SLC15A1: variants seen among roughly 807,000 people sequenced by gnomAD.
SLC15A1 encodes solute carrier family 15 member 1, also known as Caco-2 oligopeptide transporter.
A neutral mutation model predicts 92.9 loss-of-function variants in SLC15A1; 83 were observed. The observed-to-expected ratio is 0.89, with a 90% CI of 0.75 to 1.07. The LOEUF is 1.07. Ranked by LOEUF, SLC15A1 falls within the 50% of genes least tolerant of loss-of-function variation. The pLI is 0.00. For synonymous variants in SLC15A1, 322 were observed against 318.2 expected, an observed-to-expected ratio of 1.01 and a Z score of -0.13; for missense variants, 857 against 880.1, an observed-to-expected ratio of 0.97 and a Z score of 0.33.
chr13:98,715,555 A>G (rs1193073363), intron 9 of SLC15A1, among the ~76,000 whole-genome samples: 1 of 152,144 alleles, frequency 6.6e-6, no homozygotes, highest in East Asian at 1.9e-4. Flanking sequence ...CACATTGCCA[A>G]ATTGAGCCTC....
At chr13:98,706,680 C>G (rs1409682903) in intron 15 of SLC15A1, among the ~76,000 whole-genome samples, 1 of 152,168 alleles carries the variant, frequency 6.6e-6, no homozygotes, top group Non-Finnish European at 1.5e-5. Flanking sequence ...CAAGATGTGC[C>G]TTTCACCTTC....
intron 13 of SLC15A1, 36 bp from the exon 14 acceptor site, chr13:98,709,696 C>G: frequency 1.2e-6 from 2 of 1,614,150 alleles, no homozygotes; most frequent in African/African-American, 2.7e-5. Flanking sequence ...TTAAGCTTGT[C>G]TCAAAGACGA....
At chr13:98,687,365 G>A (rs1255483925) in intron 21 of SLC15A1, among the ~76,000 whole-genome samples, 2 of 152,166 alleles carry the variant, frequency 1.3e-5, no homozygotes, top group Non-Finnish European at 2.9e-5. Context: ...ATGGACACAT[G>A]TGAACACGTG....
chr13:98,736,594 T>C (rs2088396230), intron 1 of SLC15A1, among the ~76,000 whole-genome samples: 1 of 152,222 alleles, frequency 6.6e-6, no homozygotes, highest in Non-Finnish European at 1.5e-5. Context: ...TCTACTCGTC[T>C]GACAAAGGGC....
chr13:98,737,143 C>T (rs936046885), intron 1 of SLC15A1, among the ~76,000 whole-genome samples: 4 of 152,192 alleles, frequency 2.6e-5, no homozygotes, highest in Admixed American at 2.6e-4. Flanking sequence ...CATATATACA[C>T]CATGGAATAC....
intron 21 of SLC15A1, among the ~76,000 whole-genome samples, chr13:98,686,730 T>A (rs1277213996): frequency 6.6e-6 from 1 of 152,186 alleles, no homozygotes; most frequent in African/African-American, 2.4e-5. Flanking sequence ...ATCTCCTTTA[T>A]TAGACTGTGA....
chr13:98,686,951 T>C (rs1362727385), intron 21 of SLC15A1, among the ~76,000 whole-genome samples: 5 of 93,442 alleles, frequency 5.4e-5, no homozygotes, highest in South Asian at 8.7e-4. Flanking sequence ...TTTTTCTTCT[T>C]TTTTTTTTTT....
At chr13:98,714,008 G>A (rs1428852121) in intron 9 of SLC15A1, among the ~76,000 whole-genome samples, 2 of 149,956 alleles carry the variant, frequency 1.3e-5, no homozygotes, top group African/African-American at 4.9e-5. Context: ...AGCCGAGATC[G>A]TGCTACTACA....
rs114362743 is a variant in SLC15A1, at chr13:98,745,893, G to A, written c.4+6702C>T. ...ATTATTTATTTACCATTTTAACTTC[G>A]ATTTTAGGGGTACATGTGCAGGTTT... On this transcript the variant is annotated intron_variant, in intron 1 of 22. Coordinates refer to ENST00000376503, the MANE Select transcript of SLC15A1 (RefSeq NM_005073.4). 4.0e-3 allele frequency among the ~76,000 whole-genome samples: 608 copies of A among 151,296 alleles called. 3 individuals carry two copies. The highest frequency in any genetic ancestry group is 0.018 in the South Asian group (84 of 4,770).
chr13:98,713,909 TG>T (rs1366477135), intron 9 of SLC15A1, among the ~76,000 whole-genome samples: 1 of 151,742 alleles, frequency 6.6e-6, no homozygotes, highest in Admixed American at 6.6e-5. Context: ...TAGCTGGGCG[TG>T]GTAGTGTACG....
intron 9 of SLC15A1, among the ~76,000 whole-genome samples, chr13:98,713,343 C>G (rs1332219243): frequency 6.6e-6 from 1 of 152,150 alleles, no homozygotes; most frequent in Non-Finnish European, 1.5e-5. Flanking sequence ...GTGGCATTAG[C>G]CACCATGCCT....
chr13:98,709,032 A>G lies in SLC15A1; in HGVS notation c.1068-265T>C, dbSNP rs1398645409. Among the ~76,000 whole-genome samples the G allele has an allele frequency of 2.7e-5, 4 of 150,306 alleles. No individual in the cohort carries two copies. The East Asian group carries it at 7.8e-4, about 29-fold the overall frequency. On this transcript the variant is annotated intron_variant, in intron 14 of 22. Coordinates refer to ENST00000376503, the MANE Select transcript of SLC15A1 (RefSeq NM_005073.4). ...ACCCCGGCTGGAGTGCAGTGGCACA[A>G]TCTCAGCTCACTGCAACCTCTGCCT...
Position 98,684,673 on chromosome 13 carries a change from G to A in SLC15A1, c.*51C>T. 1 of 1,511,354 alleles carries A rather than the reference G, an allele frequency of 6.6e-7. No individual in the cohort carries two copies. The highest frequency in any genetic ancestry group is 2.3e-5 in the East Asian group (1 of 44,346). 93.6% of individuals were successfully genotyped at this position (1,511,354 alleles called of 1,614,324 possible). A position where few individuals can be genotyped will look rare whatever the true frequency, so the allele number is the denominator to read the frequency against. ...TGGAGTGTCCTGCTACCTGGGGGCA[G>A]AGGTCAGGGCATCTGCGGGCCCAGT... is the stretch of plus-strand genomic sequence containing the variant. On this transcript the variant is annotated 3_prime_UTR_variant, in exon 23 of 23. Coordinates refer to ENST00000376503, the MANE Select transcript of SLC15A1 (RefSeq NM_005073.4).
At chr13:98,745,173 TCTTA>T (rs774619121) in intron 1 of SLC15A1, among the ~76,000 whole-genome samples, 13 of 152,126 alleles carry the variant, frequency 8.5e-5, no homozygotes, top group Non-Finnish European at 1.8e-4. Flanking sequence ...GTACCAACTC[TCTTA>T]CTAAGTGGAC....
chr13:98,739,092 G>C (rs9513475), intron 1 of SLC15A1, among the ~76,000 whole-genome samples: 4 of 152,064 alleles, frequency 2.6e-5, no homozygotes, highest in African/African-American at 7.2e-5. Context: ...TTTTGGACCT[G>C]GGTGGGGCCT....
At chr13:98,686,949 CT>C (rs11309992) in intron 21 of SLC15A1, among the ~76,000 whole-genome samples, 25,527 of 131,056 alleles carry the variant, frequency 0.19, 2,795 homozygotes, top group East Asian at 0.44. Context: ...TCTTTTTCTT[CT>C]TTTTTTTTTT....
chr13:98,725,970 T>C lies in SLC15A1; in HGVS notation c.245+153A>G, dbSNP rs147362427. Among the ~76,000 whole-genome samples, 9 of 152,272 alleles carry C rather than the reference T, an allele frequency of 5.9e-5. No homozygotes were observed. In the East Asian group the frequency reaches 1.7e-3, roughly 29 times the overall value. On this transcript the variant is annotated intron_variant, in intron 4 of 22. Transcript: ENST00000376503. ...AAACTCCTGCCTCAGCCTCTCAAAG[T>C]GCTGGGATTACAGGTATGAACCATA...
chr13:98,705,594 T>TA (rs1361247787), intron 16 of SLC15A1, among the ~76,000 whole-genome samples: 1 of 152,150 alleles, frequency 6.6e-6, no homozygotes, highest in Non-Finnish European at 1.5e-5. Context: ...GCCTGCTGAT[T>TA]AAAAATCTGC....
chr13:98,737,028 A>G (rs2139605552), intron 1 of SLC15A1, among the ~76,000 whole-genome samples: 1 of 152,344 alleles, frequency 6.6e-6, no homozygotes, highest in Non-Finnish European at 1.5e-5. Context: ...ATGCTACTAT[A>G]AAGACACATG....
Sources: gnomAD v4.1 joint callset for allele counts (sites outside exome capture counted in the v4.1 genomes callset) on GRCh38, gnomAD v4.1.1 for gene constraint, MANE v1.5 for transcripts, NCBI Gene and HGNC (gene_info 2026-07-23, HGNC 2026-07-21) for gene names.